Variants in GPD1L observed in about 807,000 individuals in gnomAD.
The protein encoded by GPD1L is glycerol-3-phosphate dehydrogenase 1-like protein.
Under a neutral mutation model 32.9 loss-of-function variants are expected in GPD1L, and 17 were observed. That is an observed-to-expected ratio of 0.52 (90% CI 0.35 to 0.78). The LOEUF (loss-of-function observed/expected upper bound fraction) is 0.78. GPD1L is among the 30% of genes least tolerant of loss of function. The pLI is 0.01. For synonymous variants in GPD1L, 187 were observed against 165.9 expected, an observed-to-expected ratio of 1.13 and a Z score of -0.98; for missense variants, 361 against 447.8, an observed-to-expected ratio of 0.81 and a Z score of 1.75.
chr3:32,149,444 T>C (rs1575119075), intron 5 of GPD1L, among the ~76,000 whole-genome samples: 1 of 152,260 alleles, frequency 6.6e-6, no homozygotes, highest in East Asian at 1.9e-4. Context: ...CATTATCTTT[T>C]TTGTACTCAA....
In GPD1L at chr3:32,128,190, C is replaced by T. The variant is rs1458307647; in HGVS notation, c.162C>T (p.Asp54=). 6 of 1,612,836 alleles carry T rather than the reference C, an allele frequency of 3.7e-6. No homozygotes were observed. The South Asian group carries it at 4.4e-5, about 12-fold the overall frequency. The change falls in exon 2 of 8, where the codon GAC becomes GAT. Residue 54 remains aspartate (D), a synonymous_variant. Transcript: ENST00000282541. ...CAGTGAATGGCAGAAAACTGACAGACATCATAAATAATGACCATGAAAATG... is the reference window on the plus strand; with the variant it reads ...CAGTGAATGGCAGAAAACTGACAGATATCATAAATAATGACCATGAAAATG... The part of the protein sequence containing the change: ...EETVNGRKLT[D]IINNDHENVK...
chr3:32,149,578 G>A (rs537523215), intron 5 of GPD1L, among the ~76,000 whole-genome samples: 1 of 152,304 alleles, frequency 6.6e-6, no homozygotes, highest in East Asian at 1.9e-4. Flanking sequence ...CCTTCGGAAT[G>A]TCCTTCATGA....
chr3:32,159,354 G>A (rs1701043796), intron 6 of GPD1L, among the ~76,000 whole-genome samples: 1 of 151,916 alleles, frequency 6.6e-6, no homozygotes. Flanking sequence ...TGCTAGGCCG[G>A]GCGTGGTGGC....
rs1461943735 is a variant in GPD1L at position 32,161,965 on chromosome 3, T to C, written c.959+2291T>C. Among the ~76,000 whole-genome samples the C allele has an allele frequency of 2.0e-5, 3 of 152,146 alleles. No individual in the cohort carries two copies. In the East Asian group the frequency reaches 5.8e-4, roughly 29 times the overall value. The stretch of plus-strand genomic sequence containing the variant: ...TTGCACCACCTCTTACTTTGATTCC[T>C]TTTTCCTTTTTCATTCTGACCACCA... On this transcript the variant is annotated intron_variant, in intron 7 of 7. Coordinates refer to ENST00000282541, the MANE Select transcript of GPD1L (RefSeq NM_015141.4).
intron 1 of GPD1L, among the ~76,000 whole-genome samples, chr3:32,109,942 G>A (rs1246919536): frequency 3.3e-5 from 5 of 152,254 alleles, no homozygotes; most frequent in African/African-American, 1.2e-4. Context: ...TCTTGAGACG[G>A]AGTCTCGCTC....
At chr3:32,130,703 G>A (rs181347416) in intron 2 of GPD1L, among the ~76,000 whole-genome samples, 1 of 150,836 alleles carries the variant, frequency 6.6e-6, no homozygotes, top group East Asian at 2.1e-4. Flanking sequence ...GGTTGCGGTG[G>A]CTCACACCTG....
chr3:32,158,794 C>G, intron 5 of GPD1L, 82 bp from the exon 6 acceptor site: 4 of 1,560,390 alleles, frequency 2.6e-6, no homozygotes, highest in East Asian at 4.8e-5. Flanking sequence ...CTGCCCCTGC[C>G]TCGGCATCCC....
At chr3:32,146,780 T>C in intron 5 of GPD1L, 46 bp downstream of exon 5, 3 of 1,067,344 alleles carry the variant, frequency 2.8e-6, no homozygotes, top group Non-Finnish European at 4.4e-6. Context: ...AGGCAAATGT[T>C]AGCATCATTG....
chr3:32,122,063 G>T (rs1275069119), intron 1 of GPD1L, among the ~76,000 whole-genome samples: 1 of 152,026 alleles, frequency 6.6e-6, no homozygotes, highest in Non-Finnish European at 1.5e-5. Flanking sequence ...GCCACCGTGC[G>T]CAGCAGCACA....
At chr3:32,142,878 A>G (rs1183501764) in intron 4 of GPD1L, among the ~76,000 whole-genome samples, 1 of 152,138 alleles carries the variant, frequency 6.6e-6, no homozygotes, top group Non-Finnish European at 1.5e-5. Flanking sequence ...GTGGAGTGTG[A>G]TAAGCACTGA....
Position 32,158,812 on chromosome 3 carries a change from C to T in GPD1L, c.619-64C>T, listed in dbSNP as rs891624963. ...CCCCTGCCTCGGCATCCCCCACCAC[C>T]TCTGGCATCCATACCCGTGGTGGGT... On this transcript the variant is annotated intron_variant, in intron 5 of 7. Coordinates refer to ENST00000282541, the MANE Select transcript of GPD1L (RefSeq NM_015141.4). 6.3e-5 allele frequency: 99 copies of T among 1,578,860 alleles called. No homozygotes were observed. The Middle Eastern group carries it at 3.0e-3, about 49-fold the overall frequency.
intron 7 of GPD1L, among the ~76,000 whole-genome samples, chr3:32,165,016 C>G (rs927116101): frequency 6.6e-6 from 1 of 152,078 alleles, no homozygotes; most frequent in Non-Finnish European, 1.5e-5. Flanking sequence ...CCAGCCTGAC[C>G]AACATGGTAA....
chr3:32,130,132 G>GCC (rs1700564295), intron 2 of GPD1L, among the ~76,000 whole-genome samples: 1 of 152,062 alleles, frequency 6.6e-6, no homozygotes, highest in East Asian at 1.9e-4. Context: ...AGCCTGTGCT[G>GCC]CGAACAGGGA....
Position 32,159,031 on chromosome 3 carries a change from C to T in GPD1L, c.774C>T (p.Cys258=), listed in dbSNP as rs753955088. 2.4e-5 allele frequency: 39 copies of T among 1,613,900 alleles called. No homozygotes were observed. Among genetic ancestry groups the T allele is most frequent in the South Asian group, 3.3e-5 (3 of 91,094 alleles). The stretch of plus-strand genomic sequence containing the variant: ...CTACAGCCACCTTCCTAGAGAGCTG[C>T]GGGGTGGCCGACCTGATCACCACCT... ...QVSTATFLES[C]GVADLITTCY... is the part of the protein sequence containing the mutation. Residue 258 remains cysteine, a synonymous_variant, in exon 6 of 8, where the codon TGC becomes TGT. Coordinates refer to ENST00000282541, the MANE Select transcript of GPD1L (RefSeq NM_015141.4).
chr3:32,120,336 C>T (rs1251712769), intron 1 of GPD1L, among the ~76,000 whole-genome samples: 2 of 151,712 alleles, frequency 1.3e-5, no homozygotes, highest in Non-Finnish European at 2.9e-5. Context: ...AAAAAACAAA[C>T]AAACAAACAA....
chr3:32,128,421 A>G lies in GPD1L; in HGVS notation c.225+168A>G, dbSNP rs1181020640. 2.0e-5 allele frequency among the ~76,000 whole-genome samples: 3 copies of G among 152,140 alleles called. No individual in the cohort carries two copies. The East Asian group carries it at 5.8e-4, about 29-fold the overall frequency. On this transcript the variant is annotated intron_variant, in intron 2 of 7. Transcript: ENST00000282541. ...TCCTGACTCTGAAAATGGGTTTCCT[A>G]TTATGTTGCTAAGGATGCCTTAACA... is the stretch of plus-strand genomic sequence containing the variant.
intron 4 of GPD1L, among the ~76,000 whole-genome samples, chr3:32,141,636 C>G (rs1408973637): frequency 6.6e-6 from 1 of 151,992 alleles, no homozygotes; most frequent in Non-Finnish European, 1.5e-5. Flanking sequence ...TATGATACCA[C>G]CTGCCCAGGT....
chr3:32,154,070 G>T (rs548682352), intron 5 of GPD1L, among the ~76,000 whole-genome samples: 7 of 152,178 alleles, frequency 4.6e-5, no homozygotes, highest in East Asian at 1.9e-4. Flanking sequence ...GTTCAAACAC[G>T]CTCTGACTGG....
intron 2 of GPD1L, among the ~76,000 whole-genome samples, chr3:32,134,252 G>A (rs1023667022): frequency 6.6e-6 from 1 of 152,220 alleles, no homozygotes; most frequent in African/African-American, 2.4e-5. Flanking sequence ...CTGATACGGT[G>A]TAAGAGGAAT....
Sources: allele counts gnomAD v4.1 joint callset (sites outside exome capture counted in the v4.1 genomes callset), GRCh38; gene constraint gnomAD v4.1.1; transcripts MANE v1.5; gene names NCBI Gene and HGNC (gene_info 2026-07-23, HGNC 2026-07-21).